The following CYP2R1 variants were observed in gnomAD, a reference collection of about 807,000 sequenced individuals.
CYP2R1 encodes cytochrome P450 family 2 subfamily R member 1, also known as vitamin D 25-hydroxylase.
Under a neutral mutation model 45.7 loss-of-function variants are expected in CYP2R1, and 40 were observed. That is an observed-to-expected ratio of 0.87 (90% CI 0.68 to 1.14). CYP2R1 has a LOEUF of 1.14. Among genes scored for constraint, CYP2R1 ranks in the 50% most tolerant of loss-of-function variants. The pLI is 0.00. For missense variants in CYP2R1, 605 were observed against 602.6 expected (o/e 1.00, Z -0.04); for synonymous variants, 234 against 219.3 (o/e 1.07, Z -0.59).
At chr11:14,882,275 A>G (rs1848417863) in intron 2 of CYP2R1, among the ~76,000 whole-genome samples, 1 of 152,162 alleles carries the variant, frequency 6.6e-6, no homozygotes, top group African/African-American at 2.4e-5. Context: ...AACAACAAAT[A>G]AATTATACAG....
intron 1 of CYP2R1, 37 bp from the exon 2 acceptor site, chr11:14,885,954 G>GC: frequency 1.3e-6 from 2 of 1,598,390 alleles, no homozygotes; most frequent in Non-Finnish European, 1.7e-6. Context: ...TTAAATGACA[G>GC]CATGTATGGA....
chr11:14,879,372 T>C lies in CYP2R1; in HGVS notation c.1072A>G (p.Met358Val). The change falls in exon 4 of 5, where the codon ATG (methionine) becomes GTG (valine). Residue 358 changes from methionine to valine, a missense_variant. By Grantham distance (21) the Met-to-Val change is conservative. Coordinates refer to ENST00000334636, the MANE Select transcript of CYP2R1 (RefSeq NM_024514.5). Reference sequence around the variant, plus strand: ...TGCAAAACTGCCTCAGTATAAGGCATTTTGCATTTGTCGTCCCAAGAAGGC... The same window carrying C: ...TGCAAAACTGCCTCAGTATAAGGCACTTTGCATTTGTCGTCCCAAGAAGGC... ...GKPSWDDKCKMPYTEAVLHEV... is the reference protein window; with the variant it reads ...GKPSWDDKCKVPYTEAVLHEV... 1 of 1,611,108 alleles carries C rather than the reference T, an allele frequency of 6.2e-7. No individual in the cohort carries two copies. The highest frequency in any genetic ancestry group is 8.5e-7 in the Non-Finnish European group (1 of 1,179,458).
chr11:14,880,030 T>A, intron 3 of CYP2R1, 106 bp downstream of exon 3: 1 of 1,075,684 alleles, frequency 9.3e-7, no homozygotes, highest in Non-Finnish European at 1.4e-6. Flanking sequence ...TTGGCTGGCA[T>A]CGCAGGAGTT....
intron 2 of CYP2R1, among the ~76,000 whole-genome samples, chr11:14,885,145 T>C (rs1169977354): frequency 6.6e-6 from 1 of 152,214 alleles, no homozygotes; most frequent in Non-Finnish European, 1.5e-5. Context: ...AGGACACAAC[T>C]TTAGTAAAAA....
At chr11:14,883,437 G>T (rs1848472984) in intron 2 of CYP2R1, among the ~76,000 whole-genome samples, 1 of 152,224 alleles carries the variant, frequency 6.6e-6, no homozygotes, top group Admixed American at 6.5e-5. Flanking sequence ...ATGGGGAAAA[G>T]ATTCCCTATT....
intron 4 of CYP2R1, 61 bp downstream of exon 4, chr11:14,879,053 G>T: frequency 7.6e-7 from 1 of 1,307,464 alleles, no homozygotes; most frequent in South Asian, 1.2e-5. Context: ...TTAAGATGCT[G>T]TATCTAATGA....
In CYP2R1 at chr11:14,880,170, C is replaced by T. The variant is rs782701012; in HGVS notation, c.966G>A (p.Ala322=). The part of the protein sequence containing the change: ...TETTTNVLRW[A]ILFMALYPNI... ...TAGGATAAAGGGCCATGAAAAGAAT[C>T]GCCCACCGTAGCACATTGGTTGTAG... is the stretch of plus-strand genomic sequence containing the variant. Residue 322 remains alanine (A), a synonymous_variant, in exon 3 of 5, where the codon GCG becomes GCA. Transcript: ENST00000334636. 7.4e-6 allele frequency: 12 copies of T among 1,612,634 alleles called. No individual in the cohort carries two copies. The African/African-American group carries it at 9.4e-5, about 13-fold the overall frequency.
chr11:14,891,854 G>GGGTGCCGGCTCCGTGT (rs1848870887), intron 1 of CYP2R1, 127 bp downstream of exon 1: 1 of 1,410,658 alleles, frequency 7.1e-7, no homozygotes, highest in Non-Finnish European at 9.4e-7. Context: ...TCCCTCAAAG[G>GGGTGCCGGCTCCGTGT]GCAGCCGGCA....
chr11:14,878,127 G>A lies in CYP2R1; in HGVS notation c.1501C>T (p.Arg501Cys), dbSNP rs781897345. 1.7e-5 allele frequency: 28 copies of A among 1,612,798 alleles called. No individual in the cohort carries two copies. Among genetic ancestry groups the A allele is most frequent in the Non-Finnish European group, 2.1e-5 (25 of 1,179,322 alleles). ...CGAAAACATCCCAGGCAGTTTCAGCGTCTTTCAGCACAGATGAGGTAGGGT... is the reference window on the plus strand; with the variant it reads ...CGAAAACATCCCAGGCAGTTTCAGCATCTTTCAGCACAGATGAGGTAGGGT... ...PQPYLICAER[R>C] Residue 501 changes from arginine (R) to cysteine (C), a missense_variant, in exon 5 of 5, where the codon CGC (arginine) becomes TGC (cysteine). Physicochemically the swap from Arg to Cys is radical, Grantham distance 180. Transcript: ENST00000334636.
rs1325873048 is a variant in CYP2R1 at position 14,884,123 on chromosome 11, C to T, written c.367+1653G>A. Among the ~76,000 whole-genome samples, 10 of 152,068 alleles carry T rather than the reference C, an allele frequency of 6.6e-5. No individual in the cohort carries two copies. In the South Asian group the frequency reaches 8.3e-4, roughly 13 times the overall value. On this transcript the variant is annotated intron_variant, in intron 2 of 4. Transcript: ENST00000334636. ...TCAACCATTGTGGAAGTCAGTGTGGCGATTCCTCAGGGATCTAGAACTAGA... is the reference window on the plus strand; with the variant it reads ...TCAACCATTGTGGAAGTCAGTGTGGTGATTCCTCAGGGATCTAGAACTAGA...
At chr11:14,883,071 G>A (rs1389600026) in intron 2 of CYP2R1, among the ~76,000 whole-genome samples, 2 of 152,146 alleles carry the variant, frequency 1.3e-5, no homozygotes, top group Non-Finnish European at 2.9e-5. Flanking sequence ...ATGCTCATGG[G>A]TAGGAGGAAT....
At position 14,877,866 on chromosome 11, in the gene CYP2R1, T is replaced by C. The variant is rs1848214880; in HGVS notation, c.*256A>G. On this transcript the variant is annotated 3_prime_UTR_variant, in exon 5 of 5. Coordinates refer to ENST00000334636, the MANE Select transcript of CYP2R1 (RefSeq NM_024514.5). ...AGCTTAGGGCGTCCATGACCCTTCTTAGCATTTTAAGCAACACCCATCATT... is the reference window on the plus strand; with the variant it reads ...AGCTTAGGGCGTCCATGACCCTTCTCAGCATTTTAAGCAACACCCATCATT... 2.2e-6 allele frequency: 1 copy of C among 456,130 alleles called. No individual in the cohort carries two copies. The highest frequency in any genetic ancestry group is 2.0e-5 in the African/African-American group (1 of 50,054). The allele number at this position is 456,130 out of a possible 1,614,324, so 28.3% of individuals were successfully genotyped here.
chr11:14,880,315 T>A lies in CYP2R1; in HGVS notation c.821A>T (p.Gln274Leu). ...ATCTAAATAAGCATCAACAAAATGC[T>A]GAGGTAGCTGAGGCTTTCTGTTGAC... is the stretch of plus-strand genomic sequence containing the variant. ...ASVNRKPQLP[Q>L]HFVDAYLDEM... Residue 274 changes from glutamine (Q) to leucine (L), a missense_variant, in exon 3 of 5, where the codon CAG (glutamine) becomes CTG (leucine). By Grantham distance (113) the Gln-to-Leu change is moderately radical (BLOSUM62 -2). Transcript: ENST00000334636. The A allele has an allele frequency of 6.2e-7, 1 of 1,613,288 alleles. No individual in the cohort carries two copies.
chr11:14,890,465 G>GA, intron 1 of CYP2R1: 1 of 976,846 alleles, frequency 1.0e-6, no homozygotes, highest in Non-Finnish European at 1.2e-6. Context: ...CTTTAACAAC[G>GA]TAAACTATTC....
chr11:14,891,027 G>T (rs117576073), intron 1 of CYP2R1: 12,320 of 985,352 alleles, frequency 0.013, 106 homozygotes, highest in Middle Eastern at 0.014. Flanking sequence ...GGCTGTATCT[G>T]CCTTCTTCAC....
In CYP2R1 at chr11:14,892,189, C is replaced by T. The variant is rs1383860939; in HGVS notation, c.17G>A (p.Arg6Lys). The change falls in exon 1 of 5, where the codon AGA becomes AAA. Residue 6 changes from arginine to lysine, a missense_variant. By Grantham distance (26) the Arg-to-Lys change is conservative (BLOSUM62 2). Coordinates refer to ENST00000334636, the MANE Select transcript of CYP2R1 (RefSeq NM_024514.5). Reference sequence around the variant, plus strand: ...GAGCGCCGCCGCGCCCTCTTCAGCTCTCCAAAGCTTCCACATCGGCCCGAG... The same window carrying T: ...GAGCGCCGCCGCGCCCTCTTCAGCTTTCCAAAGCTTCCACATCGGCCCGAG... MWKLW[R>K]AEEGAAALGG... 4 of 1,610,326 alleles carry T rather than the reference C, an allele frequency of 2.5e-6. No homozygotes were observed. The highest frequency in any genetic ancestry group is 3.4e-6 in the Non-Finnish European group (4 of 1,179,824).
In CYP2R1 at chr11:14,892,082, C is replaced by G. The variant is rs1253526145; in HGVS notation, c.124G>C (p.Gly42Arg). The G allele has an allele frequency of 6.2e-7, 1 of 1,611,800 alleles. No individual in the cohort carries two copies. Among genetic ancestry groups the G allele is most frequent in the Non-Finnish European group, 8.5e-7 (1 of 1,179,616 alleles). ...CCGATAAATGGCAGCCCCGGCGGCCCCGGGGGGAAGCCCATCGGCCGCCTC... is the reference window on the plus strand; with the variant it reads ...CCGATAAATGGCAGCCCCGGCGGCCGCGGGGGGAAGCCCATCGGCCGCCTC... ...KQRRPMGFPP[G>R]PPGLPFIGNI... The change falls in exon 1 of 5, where the codon GGG becomes CGG. Residue 42 changes from glycine to arginine, a missense_variant. Gly to Arg is a moderately radical substitution (Grantham distance 125). Coordinates refer to ENST00000334636, the MANE Select transcript of CYP2R1 (RefSeq NM_024514.5).
At chr11:14,886,156 A>AC (rs1218054183) in intron 1 of CYP2R1, 3 of 523,164 alleles carry the variant, frequency 5.7e-6, no homozygotes, top group Non-Finnish European at 6.9e-6. Context: ...CAGTATAATG[A>AC]AAAGGGTACT....
In CYP2R1 at chr11:14,891,965, C is replaced by G; in HGVS notation, c.225+16G>C. On this transcript the variant is annotated intron_variant, in intron 1 of 4. Coordinates refer to ENST00000334636, the MANE Select transcript of CYP2R1 (RefSeq NM_024514.5). ...GCCTGGCGGCCCTCCCTGCCCGGGG[C>G]CCGTCGGGGCTGTACCTCTCCGTAC... is the stretch of plus-strand genomic sequence containing the variant. 1 of 1,610,850 alleles carries G rather than the reference C, an allele frequency of 6.2e-7. No homozygotes were observed. The highest frequency in any genetic ancestry group is 8.5e-7 in the Non-Finnish European group (1 of 1,178,832).
Sources: gnomAD v4.1 joint callset for allele counts (sites outside exome capture counted in the v4.1 genomes callset) on GRCh38, gnomAD v4.1.1 for gene constraint, MANE v1.5 for transcripts, NCBI Gene and HGNC (gene_info 2026-07-23, HGNC 2026-07-21) for gene names.